SLC35B4: variants seen among roughly 807,000 people sequenced by gnomAD.
SLC35B4 encodes nucleotide sugar transporter SLC35B4.
SLC35B4 carries 28 observed loss-of-function variants against 39.5 expected under a neutral mutation model. The ratio of observed to expected loss-of-function variants is 0.71; its 90% confidence interval spans 0.53 to 0.97. The LOEUF (loss-of-function observed/expected upper bound fraction) is 0.97, where lower values mean the gene tolerates loss of function less well. Among genes scored for constraint, SLC35B4 ranks in the 50% least tolerant of loss-of-function variants. The pLI, the probability that SLC35B4 is intolerant of heterozygous loss-of-function variation, is 0.00. For synonymous variants in SLC35B4, 145 were observed against 150.4 expected, an observed-to-expected ratio of 0.96 and a Z score of 0.26; for missense variants, 334 against 414.3, an observed-to-expected ratio of 0.81 and a Z score of 1.68.
chr7:134,317,740 G>C (rs1322610296), upstream of SLC35B4, among the ~76,000 whole-genome samples: 1 of 149,160 alleles, frequency 6.7e-6, no homozygotes, highest in Admixed American at 6.6e-5. Flanking sequence ...CATTCGACTT[G>C]ACTCTTACTT....
chr7:134,312,468 G>A (rs1803867127), intron 1 of SLC35B4, among the ~76,000 whole-genome samples: 2 of 152,146 alleles, frequency 1.3e-5, no homozygotes, highest in East Asian at 1.9e-4. Flanking sequence ...AGCCAGATGC[G>A]AAGGAGGACG....
At chr7:134,302,660 G>A (rs990837536) in intron 4 of SLC35B4, among the ~76,000 whole-genome samples, 4 of 152,066 alleles carry the variant, frequency 2.6e-5, no homozygotes, top group African/African-American at 9.7e-5. Flanking sequence ...TAAGGGGGAG[G>A]ATATTCAGAT....
intron 8 of SLC35B4, among the ~76,000 whole-genome samples, chr7:134,298,047 C>T (rs1025544655): frequency 2.0e-5 from 3 of 152,144 alleles, no homozygotes; most frequent in Admixed American, 6.5e-5. Flanking sequence ...TTGAATTATA[C>T]AGCATAATTT....
intron 4 of SLC35B4, 53 bp from the exon 5 acceptor site, chr7:134,302,163 A>T (rs1803597232): frequency 1.4e-6 from 2 of 1,425,184 alleles, no homozygotes. Context: ...ACAGATATGA[A>T]TTTCCCAGTG....
Position 134,315,992 on chromosome 7 carries a change from C to CTTT in SLC35B4, c.77+680_77+682dup, listed in dbSNP as rs5887674. ...GTCACTTGGACCAATCTTCTACTTG[C>CTTT]TTTTTTTTTTGTCTTTTTGCAAGCC... On this transcript the variant is annotated intron_variant, in intron 1 of 9. Coordinates refer to ENST00000378509, the MANE Select transcript of SLC35B4 (RefSeq NM_032826.5). Among the ~76,000 whole-genome samples, 286 of 148,482 alleles carry CTTT rather than the reference C, an allele frequency of 1.9e-3. 2 individuals carry two copies. The highest frequency in any genetic ancestry group is 6.2e-3 in the African/African-American group (250 of 40,474).
rs1803327821 is a variant in SLC35B4 at position 134,291,438 on chromosome 7, C to T, written c.*3395G>A. The T allele has an allele frequency of 6.6e-6, 1 of 152,172 alleles. No individual in the cohort carries two copies. Among genetic ancestry groups the T allele is most frequent in the South Asian group, 2.1e-4 (1 of 4,834 alleles). The allele number at this position is 152,172 out of a possible 1,614,324, so 9.4% of individuals were successfully genotyped here. A position where few individuals can be genotyped will look rare whatever the true frequency, so the allele number is the denominator to read the frequency against. On this transcript the variant is annotated 3_prime_UTR_variant, in exon 10 of 10. Coordinates refer to ENST00000378509, the MANE Select transcript of SLC35B4 (RefSeq NM_032826.5). ...AAGTCTTTCTTAGCAGAAAACGCTG[C>T]AAGTGAAGAAACTGGAGTGAAGAAA...
At chr7:134,307,505 T>C (rs1042456053) in intron 2 of SLC35B4, among the ~76,000 whole-genome samples, 5 of 152,204 alleles carry the variant, frequency 3.3e-5, no homozygotes, top group South Asian at 2.1e-4. Flanking sequence ...CCATATAAAA[T>C]TGCCGTTTTT....
At chr7:134,313,081 C>T (rs1803883135) in intron 1 of SLC35B4, among the ~76,000 whole-genome samples, 1 of 152,198 alleles carries the variant, frequency 6.6e-6, no homozygotes, top group African/African-American at 2.4e-5. Context: ...GAAAGCTCAA[C>T]TTATGAAGCC....
chr7:134,294,965 G>A lies in SLC35B4; in HGVS notation c.864C>T (p.Phe288=), dbSNP rs1278048166. ...FVSLIFSILY[F]QNPFTLWHWL... ...AGTGCCACAGGGTGAAGGGGTTCTG[G>A]AAGTACAAGATGGAAAAGATGAGGC... Residue 288 remains phenylalanine (F), a synonymous_variant, in exon 10 of 10, where the codon TTC becomes TTT. Transcript: ENST00000378509. 3.1e-6 allele frequency: 5 copies of A among 1,614,102 alleles called. No individual in the cohort carries two copies. In the South Asian group the frequency reaches 5.5e-5, roughly 18 times the overall value.
Position 134,302,107 on chromosome 7 carries a change from G to A in SLC35B4, c.348C>T (p.Tyr116=). 1 of 1,606,778 alleles carries A rather than the reference G, an allele frequency of 6.2e-7. No individual in the cohort carries two copies. The highest frequency in any genetic ancestry group is 1.7e-5 in the Admixed American group (1 of 58,474). Residue 116 remains tyrosine, a synonymous_variant, in exon 5 of 10, where the codon TAC becomes TAT. Coordinates refer to ENST00000378509, the MANE Select transcript of SLC35B4 (RefSeq NM_032826.5). ...ILGIIILKKR[Y]SIFKYTSIAL... ...CAATGGAGGTATATTTGAATATACT[G>A]TATCTGCAAAAAAGAAAAAAAAGAA...
At chr7:134,296,801 A>C (rs1401198888) in intron 8 of SLC35B4, among the ~76,000 whole-genome samples, 1 of 152,266 alleles carries the variant, frequency 6.6e-6, no homozygotes, top group African/African-American at 2.4e-5. Flanking sequence ...ACAACTCAAC[A>C]CAAGAGGAAA....
intron 1 of SLC35B4, among the ~76,000 whole-genome samples, chr7:134,312,925 A>G (rs1380398846): frequency 1.3e-5 from 2 of 152,130 alleles, no homozygotes; most frequent in Non-Finnish European, 2.9e-5. Flanking sequence ...TAATGTTAGG[A>G]CACTCCCAAG....
upstream of SLC35B4, among the ~76,000 whole-genome samples, chr7:134,318,781 AC>A (rs1804051438): frequency 6.6e-6 from 1 of 152,222 alleles, no homozygotes; most frequent in Non-Finnish European, 1.5e-5. Flanking sequence ...AAGTGATTGC[AC>A]AAGAAAAAAA....
chr7:134,292,950 C>T lies in SLC35B4; in HGVS notation c.*1883G>A, dbSNP rs983059489. On this transcript the variant is annotated 3_prime_UTR_variant, in exon 10 of 10. Coordinates refer to ENST00000378509, the MANE Select transcript of SLC35B4 (RefSeq NM_032826.5). ...ATCCACATTTTAAGTAACAAAAACC[C>T]GAGGCAGCTTAAATGACTTCTCCAA... The T allele has an allele frequency of 4.6e-5, 7 of 152,080 alleles. No homozygotes were observed. Among genetic ancestry groups the T allele is most frequent in the East Asian group, 1.9e-4 (1 of 5,194 alleles). 9.4% of individuals were successfully genotyped at this position (152,080 alleles called of 1,614,324 possible). A position where few individuals can be genotyped will look rare whatever the true frequency, so the allele number is the denominator to read the frequency against.
At chr7:134,318,340 CTACCTGTGAAATTCAGTATTTAA>C (rs1389319209), upstream of SLC35B4, among the ~76,000 whole-genome samples, 3 of 152,114 alleles carry the variant, frequency 2.0e-5, no homozygotes, top group Non-Finnish European at 2.9e-5. Context: ...AGAAAGCCTA[CTACCTGTGAAATTCAGTATTTAA>C]TGAGCACCCG....
intron 3 of SLC35B4, among the ~76,000 whole-genome samples, chr7:134,305,136 A>C (rs981045181): frequency 6.6e-6 from 1 of 152,186 alleles, no homozygotes; most frequent in African/African-American, 2.4e-5. Context: ...AGCCCGGCCA[A>C]CATGGTGAAA....
At chr7:134,295,243 T>TCCTG (rs1803436410) in intron 9 of SLC35B4, 164 bp from the exon 10 acceptor site, 4 of 791,784 alleles carry the variant, frequency 5.1e-6, no homozygotes, top group Non-Finnish European at 7.8e-6. Flanking sequence ...GCAGAACAAC[T>TCCTG]CCTGTCCTGC....
At chr7:134,309,888 C>T (rs1803795508) in intron 1 of SLC35B4, among the ~76,000 whole-genome samples, 1 of 152,178 alleles carries the variant, frequency 6.6e-6, no homozygotes, top group Non-Finnish European at 1.5e-5. Context: ...CTCAGGTCTC[C>T]TGGAATGTTT....
chr7:134,317,812 T>C (rs904775009), upstream of SLC35B4, among the ~76,000 whole-genome samples: 3 of 148,662 alleles, frequency 2.0e-5, no homozygotes, highest in African/African-American at 7.9e-5. Flanking sequence ...GGCACTATTC[T>C]TTATTTGTAA....
Sources: gnomAD v4.1 joint callset for allele counts (sites outside exome capture counted in the v4.1 genomes callset) on GRCh38, gnomAD v4.1.1 for gene constraint, MANE v1.5 for transcripts, NCBI Gene and HGNC (gene_info 2026-07-23, HGNC 2026-07-21) for gene names.